VEPH1: variants seen among roughly 807,000 people sequenced by gnomAD.
VEPH1 encodes the protein ventricular zone expressed PH domain containing 1.
Under a neutral mutation model 85.2 loss-of-function variants are expected in VEPH1, and 80 were observed. The ratio of observed to expected loss-of-function variants is 0.94; its 90% CI spans 0.78 to 1.13. VEPH1 has a LOEUF of 1.13. Ranked by LOEUF, VEPH1 falls within the 50% of genes most tolerant of loss-of-function variation. The pLI, the probability that VEPH1 is intolerant of heterozygous loss-of-function variation, is 0.00. For missense variants in VEPH1, 955 were observed against 980.5 expected (o/e 0.97, Z 0.35); for synonymous variants, 297 against 348.0 (o/e 0.85, Z 1.63).
In VEPH1 at chr3:157,260,149, A is replaced by T. The variant is rs897183036; in HGVS notation, c.*985T>A. The T allele has an allele frequency of 6.6e-6, 1 of 152,150 alleles. No homozygotes were observed. Among genetic ancestry groups the T allele is most frequent in the Non-Finnish European group, 1.5e-5 (1 of 68,018 alleles). The allele number at this position is 152,150 out of a possible 1,614,324, so 9.4% of individuals were successfully genotyped here. A position where few individuals can be genotyped will look rare whatever the true frequency, so the allele number is the denominator to read the frequency against. ...AACATAACATAATATGGGAGAGATG[A>T]TCCCATCACTTTTGCCATATTCTGT... is the stretch of plus-strand genomic sequence containing the variant. On this transcript the variant is annotated 3_prime_UTR_variant, in exon 14 of 14. Transcript: ENST00000362010.
rs1715546498 is a variant in VEPH1 at position 157,277,480 on chromosome 3, C to T, written c.2128+9077G>A. On this transcript the variant is annotated intron_variant, in intron 12 of 13. Transcript: ENST00000362010. ...TGAACACATTGTAACCATTGTCCTA[C>T]CTGCCTGTAAATTCTTGTATTCTGG... 2.6e-5 allele frequency among the ~76,000 whole-genome samples: 4 copies of T among 152,182 alleles called. No homozygotes were observed. In the South Asian group the frequency reaches 6.2e-4, roughly 24 times the overall value.
intron 3 of VEPH1, among the ~76,000 whole-genome samples, chr3:157,463,656 C>T (rs535854314): frequency 6.6e-6 from 1 of 152,286 alleles, no homozygotes; most frequent in South Asian, 2.1e-4. Flanking sequence ...GGTTGGAACA[C>T]ACAAAATTGT....
At chr3:157,319,582 A>G (rs1294618217) in intron 9 of VEPH1, among the ~76,000 whole-genome samples, 2 of 152,234 alleles carry the variant, frequency 1.3e-5, no homozygotes, top group Non-Finnish European at 2.9e-5. Flanking sequence ...ATATATTGAG[A>G]TAGCAATATG....
In VEPH1 at chr3:157,260,919, G is replaced by T; in HGVS notation, c.*215C>A. ...CTTTTATTTTATTTTATTTTTGTGG[G>T]CATCAGATATATTCTGAAGTCAATA... On this transcript the variant is annotated 3_prime_UTR_variant, in exon 14 of 14. Coordinates refer to ENST00000362010, the MANE Select transcript of VEPH1 (RefSeq NM_001167912.2). The T allele has an allele frequency of 1.7e-6, 1 of 575,510 alleles. No homozygotes were observed. The highest frequency in any genetic ancestry group is 3.0e-6 in the Non-Finnish European group (1 of 338,152). The allele number at this position is 575,510 out of a possible 1,614,324, so 35.7% of individuals were successfully genotyped here.
chr3:157,283,734 T>G (rs1182311423), intron 12 of VEPH1, among the ~76,000 whole-genome samples: 3 of 152,266 alleles, frequency 2.0e-5, no homozygotes, highest in African/African-American at 7.2e-5. Flanking sequence ...ATTCTCTAAT[T>G]GTCTCATGTT....
intron 9 of VEPH1, among the ~76,000 whole-genome samples, chr3:157,339,146 C>G (rs949711910): frequency 3.9e-5 from 6 of 152,174 alleles, no homozygotes; most frequent in Non-Finnish European, 8.8e-5. Context: ...GTTATTTAAG[C>G]CAGACTCCTA....
At chr3:157,466,393 G>A (rs1473094826) in intron 3 of VEPH1, among the ~76,000 whole-genome samples, 1 of 152,168 alleles carries the variant, frequency 6.6e-6, no homozygotes, top group Non-Finnish European at 1.5e-5. Flanking sequence ...CCAATTGGAA[G>A]TACTAAACTC....
intron 2 of VEPH1, among the ~76,000 whole-genome samples, chr3:157,492,896 G>A (rs1388174544): frequency 6.6e-6 from 1 of 152,158 alleles, no homozygotes; most frequent in Non-Finnish European, 1.5e-5. Context: ...AGTGATCAAG[G>A]CAGCTACAAT....
At chr3:157,461,369 A>C (rs1387023554) in intron 3 of VEPH1, among the ~76,000 whole-genome samples, 1 of 152,240 alleles carries the variant, frequency 6.6e-6, no homozygotes, top group Non-Finnish European at 1.5e-5. Context: ...GTAGAAAAAA[A>C]AACTGTGCAG....
intron 9 of VEPH1, among the ~76,000 whole-genome samples, chr3:157,337,313 C>T (rs1723061328): frequency 6.6e-6 from 1 of 151,860 alleles, no homozygotes; most frequent in African/African-American, 2.4e-5. Context: ...CTGTTGTTTC[C>T]AGTGTTTCAA....
intron 2 of VEPH1, among the ~76,000 whole-genome samples, chr3:157,483,337 A>G (rs1011907923): frequency 1.3e-5 from 2 of 152,140 alleles, no homozygotes; most frequent in African/African-American, 4.8e-5. Flanking sequence ...CAGTACTTAC[A>G]CAAATAAAAT....
At chr3:157,299,302 C>T (rs58892422) in intron 11 of VEPH1, among the ~76,000 whole-genome samples, 204 of 151,940 alleles carry the variant, frequency 1.3e-3, no homozygotes, top group African/African-American at 4.5e-3. Context: ...CTCGCACATA[C>T]AATCCCAGAC....
At chr3:157,296,542 T>C (rs1271274992) in intron 11 of VEPH1, among the ~76,000 whole-genome samples, 2 of 152,210 alleles carry the variant, frequency 1.3e-5, no homozygotes, top group Non-Finnish European at 2.9e-5. Context: ...AGGCTCCATG[T>C]TACAGTTTCT....
intron 4 of VEPH1, among the ~76,000 whole-genome samples, chr3:157,430,974 C>T (rs1052956224): frequency 1.3e-5 from 2 of 152,190 alleles, no homozygotes; most frequent in African/African-American, 4.8e-5. Context: ...AATTTGTTTC[C>T]TTGGCTTAAC....
At chr3:157,423,585 A>G (rs1305580190) in intron 5 of VEPH1, among the ~76,000 whole-genome samples, 2 of 152,234 alleles carry the variant, frequency 1.3e-5, no homozygotes, top group East Asian at 3.8e-4. Flanking sequence ...ATATGGCCTG[A>G]TGTCACACCC....
chr3:157,396,575 C>T (rs1333273359), intron 6 of VEPH1, among the ~76,000 whole-genome samples: 1 of 152,194 alleles, frequency 6.6e-6, no homozygotes, highest in Non-Finnish European at 1.5e-5. Context: ...AAAAGCATTC[C>T]TATTTCTCCA....
intron 2 of VEPH1, among the ~76,000 whole-genome samples, chr3:157,477,477 G>A (rs1250842934): frequency 6.6e-6 from 1 of 152,086 alleles, no homozygotes. Context: ...GGTTTAGGAT[G>A]AGGACATTTT....
chr3:157,378,899 A>G (rs1728455673), intron 7 of VEPH1, among the ~76,000 whole-genome samples: 1 of 151,978 alleles, frequency 6.6e-6, no homozygotes, highest in South Asian at 2.1e-4. Context: ...ACTTCCTCAT[A>G]ATTTTGTGTC....
At chr3:157,401,302 G>C (rs150455795) in intron 6 of VEPH1, among the ~76,000 whole-genome samples, 4 of 152,178 alleles carry the variant, frequency 2.6e-5, no homozygotes, top group African/African-American at 7.2e-5. Context: ...CAGGAAAAAA[G>C]TATATGCTTT....
Sources: gnomAD v4.1 joint callset for allele counts (sites outside exome capture counted in the v4.1 genomes callset) on GRCh38, gnomAD v4.1.1 for gene constraint, MANE v1.5 for transcripts, NCBI Gene and HGNC (gene_info 2026-07-23, HGNC 2026-07-21) for gene names.